Variants in HDHD2 observed in about 807,000 individuals in gnomAD.
HDHD2 encodes the protein haloacid dehalogenase like hydrolase domain containing 2, also known as haloacid dehalogenase-like hydrolase domain-containing protein 2.
A neutral mutation model predicts 24.8 loss-of-function variants in HDHD2; 26 were observed. The ratio of observed to expected loss-of-function variants is 1.05; its 90% CI spans 0.77 to 1.45. The LOEUF is 1.45. Among genes scored for constraint, HDHD2 ranks in the 40% most tolerant of loss-of-function variants. The pLI, the probability that HDHD2 is intolerant of heterozygous loss-of-function variation, is 0.00. For synonymous variants in HDHD2, 128 were observed against 114.9 expected (o/e 1.11, Z -0.73); for missense variants, 299 against 313.4 (o/e 0.95, Z 0.35).
intron 4 of HDHD2, among the ~76,000 whole-genome samples, chr18:47,115,989 C>A (rs1007919403): frequency 5.9e-5 from 9 of 152,130 alleles, no homozygotes; most frequent in Non-Finnish European, 8.8e-5. Context: ...CTTCCTTTGT[C>A]CTGATACAGG....
chr18:47,138,251 C>T (rs1464771320), intron 1 of HDHD2, among the ~76,000 whole-genome samples: 1 of 137,960 alleles, frequency 7.2e-6, no homozygotes, highest in Non-Finnish European at 1.5e-5. Flanking sequence ...ATCAAATGAT[C>T]AAATTAACAC....
intron 1 of HDHD2, chr18:47,137,322 T>C: frequency 5.0e-6 from 2 of 398,704 alleles, no homozygotes; most frequent in Admixed American, 7.0e-5. Flanking sequence ...CCTGCTTCTT[T>C]ACTCCAGAAT....
intron 6 of HDHD2, chr18:47,111,369 A>C: frequency 2.5e-6 from 1 of 394,794 alleles, no homozygotes; most frequent in East Asian, 1.6e-4. Flanking sequence ...ACATGAGCTA[A>C]AAAAAAAAAA....
chr18:47,108,489 A>ATT lies in HDHD2; in HGVS notation c.*192_*193insAA. 2.2e-6 allele frequency: 1 copy of ATT among 445,894 alleles called. No homozygotes were observed. The allele number at this position is 445,894 out of a possible 1,614,324, so 27.6% of individuals were successfully genotyped here. A position where few individuals can be genotyped will look rare whatever the true frequency, so the allele number is the denominator to read the frequency against. On this transcript the variant is annotated 3_prime_UTR_variant, in exon 7 of 7. Coordinates refer to ENST00000300605, the MANE Select transcript of HDHD2 (RefSeq NM_032124.5). Reference sequence around the variant, plus strand: ...TTTGGGTCTCATCTTCAGTTACAAAATAAAAGAGATTAGCAAGGCTTACTG... The same window carrying ATT: ...TTTGGGTCTCATCTTCAGTTACAAAATTTAAAAGAGATTAGCAAGGCTTACTG...
rs140670576 is a variant in HDHD2, at chr18:47,108,745, A to G, written c.717T>C (p.Pro239=). The part of the protein sequence containing the change: ...RASDEEKINP[P]PYLTCESFPH... ...GGAAACTCTCACAAGTTAAGTAAGG[A>G]GGTGGATTAATTTTTTCTTCATCTG... is the stretch of plus-strand genomic sequence containing the variant. Residue 239 remains proline, a synonymous_variant, in exon 7 of 7, where the codon CCT becomes CCC. Coordinates refer to ENST00000300605, the MANE Select transcript of HDHD2 (RefSeq NM_032124.5). 4.7e-5 allele frequency: 76 copies of G among 1,611,502 alleles called. 1 individual carries two copies. Among genetic ancestry groups the G allele is most frequent in the Middle Eastern group, 3.3e-4 (2 of 6,072 alleles).
chr18:47,111,059 G>A (rs2063511985), intron 6 of HDHD2: 2 of 985,238 alleles, frequency 2.0e-6, no homozygotes, highest in Non-Finnish European at 1.2e-6. Flanking sequence ...AATGAAGCTG[G>A]CTGTTCCACA....
chr18:47,117,038 A>G (rs541557628), intron 4 of HDHD2, among the ~76,000 whole-genome samples: 1 of 152,324 alleles, frequency 6.6e-6, no homozygotes, highest in Admixed American at 6.5e-5. Context: ...TACATCTCTC[A>G]GGGAAGCAGT....
intron 1 of HDHD2, among the ~76,000 whole-genome samples, chr18:47,146,211 CAG>C (rs2063868323): frequency 8.3e-6 from 1 of 120,560 alleles, no homozygotes; most frequent in South Asian, 2.6e-4. Flanking sequence ...GCCTGGGCGA[CAG>C]AGCAAGAATG....
chr18:47,145,372 T>C (rs2144393115), intron 1 of HDHD2, among the ~76,000 whole-genome samples: 1 of 152,342 alleles, frequency 6.6e-6, no homozygotes, highest in Middle Eastern at 3.4e-3. Flanking sequence ...TATCCAGACT[T>C]ACTTAATGAG....
intron 1 of HDHD2, among the ~76,000 whole-genome samples, chr18:47,147,727 A>G (rs1255641888): frequency 6.6e-6 from 1 of 152,182 alleles, no homozygotes; most frequent in Non-Finnish European, 1.5e-5. Flanking sequence ...TCCTTACTGA[A>G]GCATCCACAC....
rs755129907 is a variant in HDHD2 at position 47,136,482 on chromosome 18, T to C, written c.-10-33A>G. 18 of 1,583,290 alleles carry C rather than the reference T, an allele frequency of 1.1e-5. No homozygotes were observed. In the East Asian group the frequency reaches 3.6e-4, roughly 32 times the overall value. ...AGAGCAAATGAAATTAAAAATACAG[T>C]TTAGGAAACAATGGACAATTAAAAA... is the stretch of plus-strand genomic sequence containing the variant. On this transcript the variant is annotated intron_variant, in intron 1 of 6. Transcript: ENST00000300605.
rs1337634453 is a variant in HDHD2, at chr18:47,122,187, C to T, written c.396-6839G>A. Among the ~76,000 whole-genome samples the T allele has an allele frequency of 2.0e-5, 3 of 152,214 alleles. No homozygotes were observed. The East Asian group carries it at 5.8e-4, about 29-fold the overall frequency. ...AAATTAAATCATGGATGAACCTCTG[C>T]ATGCCTCAGTGTCCTGACCTATGAC... On this transcript the variant is annotated intron_variant, in intron 4 of 6. Transcript: ENST00000300605.
intron 4 of HDHD2, among the ~76,000 whole-genome samples, chr18:47,117,238 G>A (rs1000289791): frequency 6.6e-6 from 1 of 152,158 alleles, no homozygotes; most frequent in Admixed American, 6.5e-5. Context: ...TTACTAGACA[G>A]GGCAACAAAA....
chr18:47,149,318 T>A (rs2063905693), intron 1 of HDHD2, among the ~76,000 whole-genome samples: 1 of 152,158 alleles, frequency 6.6e-6, no homozygotes, highest in African/African-American at 2.4e-5. Context: ...ATTGGGGCGC[T>A]ACAAAACATG....
chr18:47,132,493 C>A (rs1310900683), intron 3 of HDHD2, among the ~76,000 whole-genome samples: 1 of 152,206 alleles, frequency 6.6e-6, no homozygotes, highest in Non-Finnish European at 1.5e-5. Context: ...TTGCTAGCTA[C>A]TGCCAAATTC....
intron 4 of HDHD2, among the ~76,000 whole-genome samples, chr18:47,124,230 C>A (rs1311390923): frequency 6.6e-6 from 1 of 152,160 alleles, no homozygotes; most frequent in Non-Finnish European, 1.5e-5. Flanking sequence ...AGGAAAATAT[C>A]TTCATCACCT....
chr18:47,137,357 A>G, intron 1 of HDHD2: 1 of 321,294 alleles, frequency 3.1e-6, no homozygotes, highest in Non-Finnish European at 5.9e-6. Flanking sequence ...CCAAGCTTAC[A>G]TTCTCAATCA....
intron 6 of HDHD2, chr18:47,110,296 T>C (rs1318301470): frequency 1.0e-6 from 1 of 985,260 alleles, no homozygotes; most frequent in Non-Finnish European, 1.2e-6. Flanking sequence ...GCATCAAATG[T>C]ACAAAGGTAA....
intron 1 of HDHD2, among the ~76,000 whole-genome samples, chr18:47,138,301 G>A (rs1186026415): frequency 6.6e-6 from 1 of 151,152 alleles, no homozygotes; most frequent in Non-Finnish European, 1.5e-5. Flanking sequence ...TGCTTCCTGA[G>A]AGAGACAACA....
Sources: gnomAD v4.1 joint callset for allele counts (sites outside exome capture counted in the v4.1 genomes callset) on GRCh38, gnomAD v4.1.1 for gene constraint, MANE v1.5 for transcripts, NCBI Gene and HGNC (gene_info 2026-07-23, HGNC 2026-07-21) for gene names.